The following C14orf39 variants were observed in gnomAD, a reference collection of about 807,000 sequenced individuals.
C14orf39 encodes protein SIX6OS1.
A neutral mutation model predicts 85.6 loss-of-function variants in C14orf39; 66 were observed. The observed-to-expected ratio is 0.77, with a 90% CI of 0.63 to 0.95. The LOEUF is 0.95. C14orf39 is among the 40% of genes least tolerant of loss of function. C14orf39 has a pLI of 0.00. For synonymous variants in C14orf39, 242 were observed against 214.0 expected (o/e 1.13, Z -1.14); for missense variants, 735 against 663.9 (o/e 1.11, Z -1.18).
chr14:60,484,192 T>C lies in C14orf39; in HGVS notation c.107-375A>G, dbSNP rs1481622525. Among the ~76,000 whole-genome samples the C allele has an allele frequency of 3.9e-5, 6 of 152,242 alleles. No individual in the cohort carries two copies. The highest frequency in any genetic ancestry group is 1.4e-4 in the African/African-American group (6 of 41,470). Reference sequence around the variant, plus strand: ...ATAGAAGCCTTCTGTTTTTGACAAATGTGAAATTTCTATTCATCAATTCTA... The same window carrying C: ...ATAGAAGCCTTCTGTTTTTGACAAACGTGAAATTTCTATTCATCAATTCTA... On this transcript the variant is annotated intron_variant, in intron 3 of 17. Transcript: ENST00000321731. The surrounding 1 kb of genome is among the most constrained non-coding windows in gnomAD (Gnocchi z 4.2).
chr14:60,502,609 T>C (rs969946389), intron 1 of C14orf39, among the ~76,000 whole-genome samples: 2 of 152,188 alleles, frequency 1.3e-5, no homozygotes, highest in Non-Finnish European at 2.9e-5. Context: ...GATTAAAATT[T>C]CATAGTTTGA....
chr14:60,488,925 C>G (rs1892944340), upstream of C14orf39, among the ~76,000 whole-genome samples: 1 of 152,148 alleles, frequency 6.6e-6, no homozygotes, highest in Non-Finnish European at 1.5e-5. Context: ...GGTTCTCCCA[C>G]CTCTCCTATC....
chr14:60,514,599 T>G (rs973448611), intron 1 of C14orf39, among the ~76,000 whole-genome samples: 2 of 152,106 alleles, frequency 1.3e-5, no homozygotes, highest in African/African-American at 4.8e-5. Context: ...TTCGCCAGTT[T>G]GTTTATAAAA....
intron 16 of C14orf39, among the ~76,000 whole-genome samples, chr14:60,447,892 C>T (rs1363701787): frequency 1.3e-5 from 2 of 152,122 alleles, no homozygotes; most frequent in Admixed American, 6.6e-5. Flanking sequence ...TAACACCACA[C>T]ATGTACAACC....
rs752245316 is a variant in C14orf39, at chr14:60,469,641, T to A, written c.567A>T (p.Arg189Ser). Reference sequence around the variant, plus strand: ...GTTTAAGAATATCTTGTGTTTCACATCTCAAATTAACACTTTTTATGTTAA... The same window carrying A: ...GTTTAAGAATATCTTGTGTTTCACAACTCAAATTAACACTTTTTATGTTAA... ...TKWTLNIVNL[R>S]CETQDILKHA... is the part of the protein sequence containing the mutation. Residue 189 changes from arginine (R) to serine (S), a missense_variant, in exon 8 of 18, where the codon AGA becomes AGT. Physicochemically the swap from Arg to Ser is moderately radical, Grantham distance 110 (BLOSUM62 -1). Coordinates refer to ENST00000321731, the MANE Select transcript of C14orf39 (RefSeq NM_174978.3). The A allele has an allele frequency of 1.5e-6, 2 of 1,352,276 alleles. No individual in the cohort carries two copies. Among genetic ancestry groups the A allele is most frequent in the Non-Finnish European group, 2.0e-6 (2 of 993,836 alleles). The allele number at this position is 1,352,276 out of a possible 1,614,324, so 83.8% of individuals were successfully genotyped here. A position where few individuals can be genotyped will look rare whatever the true frequency, so the allele number is the denominator to read the frequency against.
At chr14:60,482,146 C>T (rs1422922602) in intron 4 of C14orf39, among the ~76,000 whole-genome samples, 2 of 152,168 alleles carry the variant, frequency 1.3e-5, no homozygotes, top group African/African-American at 4.8e-5. Context: ...ATCCTACTGA[C>T]TCTCCTCAGA....
In C14orf39 at chr14:60,478,314, A is replaced by T. The variant is rs1892490617; in HGVS notation, c.309T>A (p.Thr103=). ...MQDQFTVYQG[T]VEKDKEMYHD... is the part of the protein sequence containing the mutation. The stretch of plus-strand genomic sequence containing the variant: ...AAGTACTATACTTGTCTTTTTCAAC[A>T]GTTCCTTGATAAACAGTAAATTGGT... The change falls in exon 5 of 18, where the codon ACT becomes ACA. Residue 103 remains threonine (T), a synonymous_variant. Coordinates refer to ENST00000321731, the MANE Select transcript of C14orf39 (RefSeq NM_174978.3). The T allele has an allele frequency of 6.4e-7, 1 of 1,552,720 alleles. No individual in the cohort carries two copies. The highest frequency in any genetic ancestry group is 1.4e-5 in the African/African-American group (1 of 72,156).
chr14:60,477,390 T>C (rs1438805419), intron 5 of C14orf39, among the ~76,000 whole-genome samples: 3 of 152,164 alleles, frequency 2.0e-5, no homozygotes, highest in Non-Finnish European at 4.4e-5. Context: ...TAGATACTGT[T>C]CTCATCCAAT....
chr14:60,499,684 T>C (rs373818007), intron 1 of C14orf39, among the ~76,000 whole-genome samples: 60 of 152,346 alleles, frequency 3.9e-4, no homozygotes, highest in African/African-American at 1.1e-3. Context: ...GATTCAACTA[T>C]GTAAAAACTA....
intron 17 of C14orf39, among the ~76,000 whole-genome samples, chr14:60,440,218 G>T (rs538260490): frequency 1.3e-5 from 2 of 152,192 alleles, no homozygotes; most frequent in Admixed American, 1.3e-4. Flanking sequence ...CATTGAATTC[G>T]AAATTCATAT....
At chr14:60,510,974 C>A in intron 1 of C14orf39, 1 of 1,160,248 alleles carries the variant, frequency 8.6e-7, no homozygotes, top group South Asian at 1.4e-5. Context: ...CTGCTGGGGT[C>A]TTCGGAAGAA....
chr14:60,501,665 A>G (rs1409742334), intron 1 of C14orf39, among the ~76,000 whole-genome samples: 4 of 152,224 alleles, frequency 2.6e-5, no homozygotes, highest in African/African-American at 9.7e-5. Context: ...ATTTCATGTA[A>G]GCTATCTATT....
At chr14:60,502,707 C>G (rs1893163296) in intron 1 of C14orf39, among the ~76,000 whole-genome samples, 1 of 152,210 alleles carries the variant, frequency 6.6e-6, no homozygotes, top group Admixed American at 6.5e-5. Context: ...CTCCCACTGT[C>G]TGCCTGTATA....
At chr14:60,481,263 G>GA (rs900564851) in intron 4 of C14orf39, among the ~76,000 whole-genome samples, 7 of 151,596 alleles carry the variant, frequency 4.6e-5, no homozygotes, top group African/African-American at 1.7e-4. Flanking sequence ...TCTGTGTATG[G>GA]AAAAAAAAGA....
chr14:60,456,978 C>G lies in C14orf39; in HGVS notation c.1297G>C (p.Ala433Pro), dbSNP rs77727318. 1,169 of 1,611,262 alleles carry G rather than the reference C, an allele frequency of 7.3e-4. 10 individuals are homozygous for G. In the African/African-American group the frequency reaches 0.014, roughly 20 times the overall value. ...TCCAATGACTCAGGTGCTTTCACAG[C>G]TTTGGGAGTTCCTAAAAATATAGGA... ...EIPIFLGTPK[A>P]VKAPESLEKI... Residue 433 changes from alanine to proline, a missense_variant, in exon 15 of 18, where the codon GCT (alanine) becomes CCT (proline). Physicochemically the swap from Ala to Pro is conservative, Grantham distance 27. Transcript: ENST00000321731.
At chr14:60,506,113 T>C (rs567607461) in intron 1 of C14orf39, among the ~76,000 whole-genome samples, 1 of 152,198 alleles carries the variant, frequency 6.6e-6, no homozygotes, top group South Asian at 2.1e-4. Flanking sequence ...TGAGTAGACG[T>C]CTATGGATTC....
Position 60,436,636 on chromosome 14 carries a change from C to G in C14orf39, c.*209G>C, listed in dbSNP as rs1044098911. 1.1e-5 allele frequency: 4 copies of G among 358,764 alleles called. No individual in the cohort carries two copies. Among genetic ancestry groups the G allele is most frequent in the African/African-American group, 6.4e-5 (3 of 47,240 alleles). The allele number at this position is 358,764 out of a possible 1,614,324, so 22.2% of individuals were successfully genotyped here. A position where few individuals can be genotyped will look rare whatever the true frequency, so the allele number is the denominator to read the frequency against. ...TCTACCTGACCACGGCTCGCAAAAT[C>G]AAAACCAAAATAAATAATGATTAGT... On this transcript the variant is annotated 3_prime_UTR_variant, in exon 18 of 18. Transcript: ENST00000321731.
chr14:60,499,652 T>C (rs1893112532), intron 1 of C14orf39, among the ~76,000 whole-genome samples: 2 of 152,268 alleles, frequency 1.3e-5, no homozygotes, highest in African/African-American at 4.8e-5. Context: ...GTATGGCCCC[T>C]AAGGCAGAAC....
intron 1 of C14orf39, among the ~76,000 whole-genome samples, chr14:60,507,963 A>T (rs1893228074): frequency 6.6e-6 from 1 of 152,158 alleles, no homozygotes. Context: ...AGGCCTCAGA[A>T]AATGGTATGA....
Sources: allele counts gnomAD v4.1 joint callset (sites outside exome capture counted in the v4.1 genomes callset), GRCh38; gene constraint gnomAD v4.1.1; non-coding constraint Gnocchi (gnomAD v3.1); transcripts MANE v1.5; gene names NCBI Gene and HGNC (gene_info 2026-07-23, HGNC 2026-07-21).